Variants in UNC13B observed in about 807,000 individuals in gnomAD.
The protein encoded by UNC13B is protein unc-13 homolog B.
Under a neutral mutation model 211.0 loss-of-function variants are expected in UNC13B, and 144 were observed. That is an observed-to-expected ratio of 0.68 (90% CI 0.60 to 0.78). UNC13B has a LOEUF of 0.78. UNC13B is among the 30% of genes least tolerant of loss of function. UNC13B has a pLI of 0.00. For missense variants in UNC13B, 1,777 were observed against 2,002.0 expected, an observed-to-expected ratio of 0.89 and a Z score of 2.14; for synonymous variants, 709 against 725.8, an observed-to-expected ratio of 0.98 and a Z score of 0.37.
chr9:35,367,457 G>T (rs1046988381), intron 12 of UNC13B, among the ~76,000 whole-genome samples: 3 of 152,052 alleles, frequency 2.0e-5, no homozygotes, highest in Non-Finnish European at 4.4e-5. Flanking sequence ...TCACATCAGG[G>T]TAAATGGGGT....
chr9:35,384,646 C>T (rs189079016), intron 22 of UNC13B: 1 of 985,202 alleles, frequency 1.0e-6, no homozygotes, highest in African/African-American at 1.7e-5. Flanking sequence ...AAATTAGATA[C>T]CTAATTACAT....
chr9:35,340,664 G>A (rs1160159993), intron 11 of UNC13B, among the ~76,000 whole-genome samples: 1 of 152,206 alleles, frequency 6.6e-6, no homozygotes, highest in African/African-American at 2.4e-5. Flanking sequence ...CCCACGTACT[G>A]TTGGCCTAAG....
chr9:35,193,252 G>A (rs1295411555), intron 1 of UNC13B, among the ~76,000 whole-genome samples: 1 of 152,134 alleles, frequency 6.6e-6, no homozygotes, highest in Admixed American at 6.5e-5. Context: ...TACAGTCCAT[G>A]CTAAAGTGTT....
At chr9:35,281,343 G>A (rs1471721775) in intron 7 of UNC13B, among the ~76,000 whole-genome samples, 1 of 151,560 alleles carries the variant, frequency 6.6e-6, no homozygotes, top group Non-Finnish European at 1.5e-5. Context: ...TTGAACGCTA[G>A]GGGCAGATGT....
chr9:35,171,882 T>C (rs970289431), intron 1 of UNC13B, among the ~76,000 whole-genome samples: 1 of 152,136 alleles, frequency 6.6e-6, no homozygotes, highest in African/African-American at 2.4e-5. Context: ...TGGGGAGAAA[T>C]TGGAGGCACT....
chr9:35,403,650 G>A, intron 39 of UNC13B, 51 bp downstream of exon 39: 1 of 1,573,262 alleles, frequency 6.4e-7, no homozygotes, highest in Admixed American at 1.7e-5. Flanking sequence ...TAAGACTTGA[G>A]GGGTGGGGGG....
At chr9:35,255,204 C>T (rs1166984128) in intron 6 of UNC13B, among the ~76,000 whole-genome samples, 2 of 148,478 alleles carry the variant, frequency 1.3e-5, no homozygotes, top group Non-Finnish European at 1.5e-5. Context: ...GGATTACAGG[C>T]GTGAGCCATT....
intron 11 of UNC13B, chr9:35,352,040 G>A: frequency 4.9e-6 from 6 of 1,232,214 alleles, no homozygotes; most frequent in Non-Finnish European, 6.1e-6. Context: ...CCAAGTCCAG[G>A]GTTCCGTGGA....
At chr9:35,395,279 C>T (rs943842) in intron 26 of UNC13B, among the ~76,000 whole-genome samples, 16,806 of 152,180 alleles carry the variant, frequency 0.11, 1,104 homozygotes, top group East Asian at 0.29. Flanking sequence ...TACACCTTTT[C>T]CCTCTTCTCC....
rs752596968 is a variant in UNC13B, at chr9:35,227,998, T to C, written c.23-17T>C. The stretch of plus-strand genomic sequence containing the variant: ...CTTGGAAACATTCTTCATGGTATCC[T>C]CTTTTTTCTCTTGCAGTTAAAAGGG... On this transcript the variant is annotated splice_polypyrimidine_tract_variant and intron_variant, in intron 1 of 39. Transcript: ENST00000635942. The C allele has an allele frequency of 6.2e-6, 10 of 1,610,732 alleles. No individual in the cohort carries two copies. Among genetic ancestry groups the C allele is most frequent in the South Asian group, 4.4e-5 (4 of 90,334 alleles).
chr9:35,201,524 GT>G, intron 1 of UNC13B, among the ~76,000 whole-genome samples: 1 of 152,144 alleles, frequency 6.6e-6, no homozygotes, highest in East Asian at 1.9e-4. Flanking sequence ...CCTGTTATTG[GT>G]CTATTCAGGG....
chr9:35,205,269 A>T (rs140628025), intron 1 of UNC13B, among the ~76,000 whole-genome samples: 19 of 152,202 alleles, frequency 1.2e-4, no homozygotes, highest in Admixed American at 1.0e-3. Flanking sequence ...TAAATAAATC[A>T]CCACGTTTCA....
At chr9:35,323,818 C>T (rs1225402262) in intron 11 of UNC13B, among the ~76,000 whole-genome samples, 3 of 152,098 alleles carry the variant, frequency 2.0e-5, no homozygotes, top group African/African-American at 7.2e-5. Flanking sequence ...AGATCCTTGC[C>T]TAACCTGTTT....
chr9:35,402,075 GC>G, intron 37 of UNC13B: 1 of 1,452,800 alleles, frequency 6.9e-7, no homozygotes, highest in South Asian at 1.2e-5. Context: ...GCTAGAATGA[GC>G]AACTCGTGCT....
At chr9:35,347,546 A>T (rs1357349724) in intron 11 of UNC13B, among the ~76,000 whole-genome samples, 1 of 152,144 alleles carries the variant, frequency 6.6e-6, no homozygotes, top group South Asian at 2.1e-4. Flanking sequence ...CATCACATCG[A>T]GCTCCATCCC....
chr9:35,291,495 G>A (rs1829097062), intron 7 of UNC13B, among the ~76,000 whole-genome samples: 1 of 152,194 alleles, frequency 6.6e-6, no homozygotes, highest in East Asian at 1.9e-4. Flanking sequence ...GGTGATTGGT[G>A]TGCATTCTGA....
In UNC13B at chr9:35,303,771, C is replaced by A; in HGVS notation, c.4367C>A (p.Ser1456Tyr). Residue 1456 changes from serine (S) to tyrosine (Y), a missense_variant, in exon 9 of 40, where the codon TCT becomes TAT. Physicochemically the swap from Ser to Tyr is moderately radical, Grantham distance 144. Coordinates refer to ENST00000635942, the MANE Select transcript of UNC13B (RefSeq NM_001371189.2). ...GCAGCTAACTCATTATATGGAAACT[C>A]TGGTCCTCTTCCAATTAATGAGGCT... is the stretch of plus-strand genomic sequence containing the variant. ...VWAANSLYGN[S>Y]GPLPINEANN... 2 of 398,758 alleles carry A rather than the reference C, an allele frequency of 5.0e-6. No homozygotes were observed. The highest frequency in any genetic ancestry group is 2.5e-4 in the South Asian group (2 of 7,856). The allele number at this position is 398,758 out of a possible 1,614,324, so 24.7% of individuals were successfully genotyped here.
At chr9:35,215,840 T>A (rs1283261114) in intron 1 of UNC13B, among the ~76,000 whole-genome samples, 1 of 152,238 alleles carries the variant, frequency 6.6e-6, no homozygotes, top group Admixed American at 6.5e-5. Flanking sequence ...CTGGTGTCTC[T>A]GAGCCGGAGT....
intron 11 of UNC13B, among the ~76,000 whole-genome samples, chr9:35,334,140 A>AT (rs1831520908): frequency 6.6e-6 from 1 of 151,902 alleles, no homozygotes; most frequent in Non-Finnish European, 1.5e-5. Flanking sequence ...TAACTTTTAT[A>AT]TTTTTAGTAG....
Sources: gnomAD v4.1 joint callset for allele counts (sites outside exome capture counted in the v4.1 genomes callset) on GRCh38, gnomAD v4.1.1 for gene constraint, MANE v1.5 for transcripts, NCBI Gene and HGNC (gene_info 2026-07-23, HGNC 2026-07-21) for gene names.